The following ETS1 variants were observed in gnomAD, a reference collection of about 807,000 sequenced individuals.
ETS1 encodes protein C-ets-1.
Under a neutral mutation model 58.6 loss-of-function variants are expected in ETS1, and 15 were observed. That is an observed-to-expected ratio of 0.26 (90% CI 0.17 to 0.39). The LOEUF (loss-of-function observed/expected upper bound fraction) is 0.39. ETS1 is among the 10% of genes least tolerant of loss of function. The pLI is 1.00. For synonymous variants in ETS1, 214 were observed against 218.2 expected (o/e 0.98, Z 0.17); for missense variants, 417 against 610.5 (o/e 0.68, Z 3.34).
intron 3 of ETS1, among the ~76,000 whole-genome samples, chr11:128,550,813 G>A (rs1296075343): frequency 6.6e-6 from 1 of 152,174 alleles, no homozygotes; most frequent in Non-Finnish European, 1.5e-5. Flanking sequence ...TAATTCCCTA[G>A]TCTTGTCCTA....
At chr11:128,522,171 A>C (rs1489327177) in intron 3 of ETS1, 2 of 1,272,114 alleles carry the variant, frequency 1.6e-6, no homozygotes, top group Admixed American at 4.1e-5. Context: ...CGCGCCCGGC[A>C]CTCCAGGGGA....
intron 3 of ETS1, among the ~76,000 whole-genome samples, chr11:128,508,097 C>G (rs1863291349): frequency 6.6e-6 from 1 of 152,202 alleles, no homozygotes; most frequent in African/African-American, 2.4e-5. Context: ...AATAATTGAA[C>G]TGGCCACAGG....
At chr11:128,576,247 C>A (rs1184205415) in intron 1 of ETS1, among the ~76,000 whole-genome samples, 2 of 152,146 alleles carry the variant, frequency 1.3e-5, no homozygotes, top group Admixed American at 6.5e-5. Flanking sequence ...AAAAAAAGAA[C>A]CCGCCCTTTT....
intron 3 of ETS1, among the ~76,000 whole-genome samples, chr11:128,547,641 G>T (rs932248947): frequency 1.4e-4 from 20 of 146,776 alleles, no homozygotes; most frequent in Admixed American, 2.0e-4. Context: ...TGTTTTTTTG[G>T]TTTTTTTTTT....
intron 3 of ETS1, among the ~76,000 whole-genome samples, chr11:128,512,261 T>C (rs539650383): frequency 2.0e-5 from 3 of 152,240 alleles, no homozygotes; most frequent in Admixed American, 1.3e-4. Flanking sequence ...GGCACAAAGT[T>C]TGCGCCCAAT....
At chr11:128,562,891 G>A (rs547556854) in intron 2 of ETS1, among the ~76,000 whole-genome samples, 5 of 149,914 alleles carry the variant, frequency 3.3e-5, no homozygotes, top group African/African-American at 1.2e-4. Context: ...GTCCCCTCCA[G>A]CCAGCCACAT....
chr11:128,569,733 T>C (rs1591670199), intron 2 of ETS1, among the ~76,000 whole-genome samples: 1 of 152,242 alleles, frequency 6.6e-6, no homozygotes, highest in Middle Eastern at 3.4e-3. Flanking sequence ...AGAGAAAGAG[T>C]ATGTGAAAAA....
chr11:128,473,033 G>GAA (rs894084498), intron 8 of ETS1, among the ~76,000 whole-genome samples: 1 of 147,672 alleles, frequency 6.8e-6, no homozygotes, highest in Non-Finnish European at 1.5e-5. Flanking sequence ...CCTCTAAAAA[G>GAA]AAAAAAAAAA....
In ETS1 at chr11:128,460,288, A is replaced by G. The variant is rs1041362097; in HGVS notation, c.*2073T>C. On this transcript the variant is annotated 3_prime_UTR_variant, in exon 10 of 10. Coordinates refer to ENST00000392668, the MANE Select transcript of ETS1 (RefSeq NM_001143820.2). ...AGGCACCTGCATCCAAAAGATCAAA[A>G]TAATACAGCTGGGATAATTCTGCCT... The G allele has an allele frequency of 6.5e-6, 1 of 152,814 alleles. No homozygotes were observed. Among genetic ancestry groups the G allele is most frequent in the Non-Finnish European group, 1.5e-5 (1 of 68,066 alleles). The allele number at this position is 152,814 out of a possible 1,614,324, so 9.5% of individuals were successfully genotyped here. A position where few individuals can be genotyped will look rare whatever the true frequency, so the allele number is the denominator to read the frequency against.
At chr11:128,546,847 T>C (rs908172051) in intron 3 of ETS1, among the ~76,000 whole-genome samples, 1 of 152,122 alleles carries the variant, frequency 6.6e-6, no homozygotes, top group African/African-American at 2.4e-5. Context: ...GAAAATCTAC[T>C]GTGCACTAGA....
chr11:128,554,276 C>T (rs1354566832), intron 3 of ETS1, among the ~76,000 whole-genome samples: 1 of 152,196 alleles, frequency 6.6e-6, no homozygotes, highest in African/African-American at 2.4e-5. Flanking sequence ...GTAGAGGCCA[C>T]ACCCCGATGG....
At chr11:128,574,731 G>T (rs1317523852) in intron 1 of ETS1, among the ~76,000 whole-genome samples, 4 of 152,156 alleles carry the variant, frequency 2.6e-5, no homozygotes, top group African/African-American at 9.7e-5. Flanking sequence ...CCACCAAAGT[G>T]TTCCTCGTTT....
chr11:128,475,784 C>T (rs1862306306), intron 8 of ETS1, among the ~76,000 whole-genome samples: 1 of 152,080 alleles, frequency 6.6e-6, no homozygotes. Context: ...ATCTCCTGAC[C>T]TCATGATCTG....
intron 3 of ETS1, among the ~76,000 whole-genome samples, chr11:128,510,278 C>A (rs369655017): frequency 1.3e-5 from 2 of 152,214 alleles, no homozygotes; most frequent in South Asian, 2.1e-4. Context: ...AACTTTCCCA[C>A]TCTCTCTCAA....
Position 128,459,346 on chromosome 11 carries a change from A to T in ETS1, c.*3015T>A, listed in dbSNP as rs1340707462. 1 of 152,778 alleles carries T rather than the reference A, an allele frequency of 6.5e-6. No individual in the cohort carries two copies. The highest frequency in any genetic ancestry group is 2.4e-5 in the African/African-American group (1 of 41,452). 9.5% of individuals were successfully genotyped at this position (152,778 alleles called of 1,614,324 possible). A position where few individuals can be genotyped will look rare whatever the true frequency, so the allele number is the denominator to read the frequency against. ...GAAGAGAGATGGTGTATTTCTCACC[A>T]TGAAGGTTAGGCAGGTTAATGCTGT... On this transcript the variant is annotated 3_prime_UTR_variant, in exon 10 of 10. Coordinates refer to ENST00000392668, the MANE Select transcript of ETS1 (RefSeq NM_001143820.2).
chr11:128,521,134 CA>C (rs149502414), intron 3 of ETS1, among the ~76,000 whole-genome samples: 22,949 of 127,556 alleles, frequency 0.18, 1,819 homozygotes, highest in Middle Eastern at 0.29. Flanking sequence ...GTGTCAAAGA[CA>C]AAAAAAAAAA....
intron 1 of ETS1, among the ~76,000 whole-genome samples, chr11:128,575,562 C>T (rs1591674864): frequency 6.6e-6 from 1 of 152,216 alleles, no homozygotes; most frequent in South Asian, 2.1e-4. Flanking sequence ...ACAAGGATTC[C>T]TGACCTCACG....
At chr11:128,471,370 T>C (rs192019724) in intron 8 of ETS1, among the ~76,000 whole-genome samples, 1 of 152,370 alleles carries the variant, frequency 6.6e-6, no homozygotes, top group East Asian at 1.9e-4. Flanking sequence ...ACCTTTGTTT[T>C]TGCTCTGGCT....
chr11:128,490,348 G>T, intron 4 of ETS1, 109 bp downstream of exon 4: 1 of 1,133,424 alleles, frequency 8.8e-7, no homozygotes, highest in Non-Finnish European at 1.3e-6. Flanking sequence ...CATAGCTGCT[G>T]ACTCCAATGT....
Sources: allele counts gnomAD v4.1 joint callset (sites outside exome capture counted in the v4.1 genomes callset), GRCh38; gene constraint gnomAD v4.1.1; transcripts MANE v1.5; gene names NCBI Gene and HGNC (gene_info 2026-07-23, HGNC 2026-07-21).